Variants in TMEM108 observed in about 807,000 individuals in gnomAD.
TMEM108 encodes transmembrane protein 108.
Under a neutral mutation model 35.1 loss-of-function variants are expected in TMEM108, and 12 were observed. The observed-to-expected ratio is 0.34, with a 90% CI of 0.22 to 0.55. TMEM108 has a LOEUF of 0.55. TMEM108 is among the 20% of genes least tolerant of loss of function. TMEM108 has a pLI of 0.89. For missense variants in TMEM108, 680 were observed against 753.3 expected (o/e 0.90, Z 1.14); for synonymous variants, 287 against 308.6 (o/e 0.93, Z 0.73).
intron 2 of TMEM108, among the ~76,000 whole-genome samples, chr3:133,158,422 C>T (rs985553801): frequency 8.0e-5 from 11 of 137,932 alleles, no homozygotes; most frequent in Admixed American, 8.0e-5. Flanking sequence ...GAGCCGAGAT[C>T]GCGCCACTGC....
chr3:133,197,929 C>T (rs1453341646), intron 2 of TMEM108, among the ~76,000 whole-genome samples: 1 of 152,190 alleles, frequency 6.6e-6, no homozygotes, highest in Non-Finnish European at 1.5e-5. Context: ...TTTTGTCTAC[C>T]ACTACCCCAT....
intron 2 of TMEM108, among the ~76,000 whole-genome samples, chr3:133,209,423 G>T (rs111430440): frequency 0.015 from 2,286 of 152,208 alleles, 77 homozygotes; most frequent in African/African-American, 0.051. Context: ...AGGCAAAGCT[G>T]TCTATAGAGT....
intron 2 of TMEM108, among the ~76,000 whole-genome samples, chr3:133,063,802 G>A (rs539269504): frequency 6.6e-6 from 1 of 152,108 alleles, no homozygotes; most frequent in African/African-American, 2.4e-5. Context: ...CTTATACAGA[G>A]CACATAGGGC....
intron 1 of TMEM108, among the ~76,000 whole-genome samples, chr3:133,041,484 C>CT (rs906320896): frequency 6.6e-6 from 1 of 152,246 alleles, no homozygotes; most frequent in African/African-American, 2.4e-5. Context: ...AGTGTGTAGC[C>CT]TCTAGTCAGA....
In TMEM108 at chr3:133,046,003, C is replaced by T. The variant is rs1943335514; in HGVS notation, c.-64C>T. 1 of 152,588 alleles carries T rather than the reference C, an allele frequency of 6.6e-6. No individual in the cohort carries two copies. 9.5% of individuals were successfully genotyped at this position (152,588 alleles called of 1,614,324 possible). On this transcript the variant is annotated 5_prime_UTR_variant, in exon 2 of 6. Transcript: ENST00000321871. ...GGATGTAAGTGCGTTTGAAGGCTTCCACACCCTCTACTCCAGGGTAAGGCA... is the reference window on the plus strand; with the variant it reads ...GGATGTAAGTGCGTTTGAAGGCTTCTACACCCTCTACTCCAGGGTAAGGCA...
At chr3:133,382,843 C>T (rs572369623) in intron 4 of TMEM108, among the ~76,000 whole-genome samples, 73 of 152,310 alleles carry the variant, frequency 4.8e-4, no homozygotes, top group African/African-American at 1.6e-3. Context: ...TTTCAGGAGC[C>T]GCCTCTCATA....
chr3:133,083,799 G>T (rs1423722013), intron 2 of TMEM108, among the ~76,000 whole-genome samples: 1 of 152,052 alleles, frequency 6.6e-6, no homozygotes, highest in Non-Finnish European at 1.5e-5. Flanking sequence ...TGTAATTGGG[G>T]GGTGAAGGTG....
At chr3:133,050,274 A>T (rs1943387862) in intron 2 of TMEM108, among the ~76,000 whole-genome samples, 2 of 152,086 alleles carry the variant, frequency 1.3e-5, no homozygotes, top group Non-Finnish European at 2.9e-5. Context: ...TTTTCTTTTG[A>T]TGGATGCATT....
At chr3:133,354,016 G>A (rs919717845) in intron 3 of TMEM108, among the ~76,000 whole-genome samples, 7 of 152,206 alleles carry the variant, frequency 4.6e-5, no homozygotes, top group Non-Finnish European at 7.3e-5. Flanking sequence ...AGGAGGCAGG[G>A]TGAGCAGCAT....
intron 3 of TMEM108, among the ~76,000 whole-genome samples, chr3:133,298,661 C>T (rs976781863): frequency 1.1e-4 from 16 of 152,000 alleles, no homozygotes; most frequent in South Asian, 2.1e-4. Flanking sequence ...TTTATAAATT[C>T]GTTTCACACT....
intron 2 of TMEM108, among the ~76,000 whole-genome samples, chr3:133,145,840 G>A (rs539234116): frequency 2.2e-4 from 34 of 152,186 alleles, no homozygotes; most frequent in Non-Finnish European, 3.7e-4. Context: ...TGCTGAAGTT[G>A]CTTATCAGCT....
chr3:133,141,354 T>C (rs920805544), intron 2 of TMEM108, among the ~76,000 whole-genome samples: 9 of 152,058 alleles, frequency 5.9e-5, no homozygotes, highest in Non-Finnish European at 1.2e-4. Context: ...TAGAACTCAT[T>C]TAGGAACATA....
chr3:133,161,047 C>T (rs1189729194), intron 2 of TMEM108, among the ~76,000 whole-genome samples: 6 of 152,134 alleles, frequency 3.9e-5, no homozygotes, highest in Admixed American at 6.5e-5. Context: ...CGGTTTCTTG[C>T]TTAAAATCCT....
At chr3:133,057,999 G>T (rs1186966577) in intron 2 of TMEM108, among the ~76,000 whole-genome samples, 1 of 152,156 alleles carries the variant, frequency 6.6e-6, no homozygotes, top group Non-Finnish European at 1.5e-5. Context: ...CAGGGCCTCT[G>T]CCCTGCATCC....
At chr3:133,040,945 AG>A (rs1255923006) in intron 1 of TMEM108, among the ~76,000 whole-genome samples, 1 of 152,202 alleles carries the variant, frequency 6.6e-6, no homozygotes, top group Non-Finnish European at 1.5e-5. Context: ...TCCTCTGAGG[AG>A]GATCTGTGTC....
At chr3:133,229,943 A>G (rs576381953) in intron 3 of TMEM108, among the ~76,000 whole-genome samples, 4 of 152,192 alleles carry the variant, frequency 2.6e-5, no homozygotes, top group Non-Finnish European at 5.9e-5. Flanking sequence ...TGTTTTGGGT[A>G]TAGTGCCACA....
chr3:133,101,689 T>C (rs1012926354), intron 2 of TMEM108, among the ~76,000 whole-genome samples: 1 of 152,258 alleles, frequency 6.6e-6, no homozygotes, highest in African/African-American at 2.4e-5. Flanking sequence ...CATACATCTC[T>C]TAAAATGTTT....
chr3:133,187,748 AAGGAAGGAAGGG>A (rs1168406984), intron 2 of TMEM108, among the ~76,000 whole-genome samples: 3 of 151,932 alleles, frequency 2.0e-5, no homozygotes, highest in East Asian at 3.9e-4. Context: ...AGACTCTGTC[AAGGAAGGAAGGG>A]AGGAAGGGAG....
intron 2 of TMEM108, among the ~76,000 whole-genome samples, chr3:133,228,301 T>G (rs187900899): frequency 9.2e-5 from 14 of 152,326 alleles, no homozygotes; most frequent in South Asian, 2.1e-4. Context: ...TTTAAAAATT[T>G]TATATACAAA....
Sources: gnomAD v4.1 joint callset for allele counts (sites outside exome capture counted in the v4.1 genomes callset) on GRCh38, gnomAD v4.1.1 for gene constraint, MANE v1.5 for transcripts, NCBI Gene and HGNC (gene_info 2026-07-23, HGNC 2026-07-21) for gene names.